The following UCHL3 variants were observed in gnomAD, a reference collection of about 807,000 sequenced individuals.
UCHL3 encodes ubiquitin carboxyl-terminal hydrolase isozyme L3.
In UCHL3, 22 loss-of-function variants were observed where a neutral mutation model predicts 35.8. The observed-to-expected ratio is 0.61, with a 90% confidence interval of 0.44 to 0.88. The LOEUF (loss-of-function observed/expected upper bound fraction) is 0.88, where lower values mean the gene tolerates loss of function less well. UCHL3 is among the 40% of genes least tolerant of loss of function. UCHL3 has a pLI of 0.00. For synonymous variants in UCHL3, 90 were observed against 92.8 expected (o/e 0.97, Z 0.17); for missense variants, 229 against 276.9 (o/e 0.83, Z 1.23).
intron 7 of UCHL3, among the ~76,000 whole-genome samples, chr13:75,598,721 C>T (rs1171974156): frequency 6.6e-6 from 1 of 152,156 alleles, no homozygotes; most frequent in Non-Finnish European, 1.5e-5. Context: ...TGCCCCATTA[C>T]TGGTGATGTT....
intron 5 of UCHL3, among the ~76,000 whole-genome samples, chr13:75,567,917 A>C (rs1251282485): frequency 1.3e-5 from 2 of 152,136 alleles, no homozygotes; most frequent in African/African-American, 2.4e-5. Flanking sequence ...AAATAAATAA[A>C]TATATACCTG....
intron 6 of UCHL3, among the ~76,000 whole-genome samples, chr13:75,571,783 A>G (rs977954961): frequency 6.6e-6 from 1 of 152,206 alleles, no homozygotes; most frequent in African/African-American, 2.4e-5. Flanking sequence ...TACTCCCATA[A>G]GAATTAATCT....
intron 3 of UCHL3, among the ~76,000 whole-genome samples, chr13:75,562,579 G>T (rs2031552671): frequency 2.0e-5 from 3 of 152,016 alleles, no homozygotes; most frequent in Admixed American, 2.0e-4. Context: ...CTTAGCTGAG[G>T]TGATACAAAT....
chr13:75,554,161 C>G (rs1221743630), intron 2 of UCHL3, among the ~76,000 whole-genome samples: 1 of 152,118 alleles, frequency 6.6e-6, no homozygotes, highest in Non-Finnish European at 1.5e-5. Flanking sequence ...TTCCTGGGCT[C>G]AAGCACTCCT....
chr13:75,583,814 G>A (rs1305916938), intron 6 of UCHL3, among the ~76,000 whole-genome samples: 1 of 152,176 alleles, frequency 6.6e-6, no homozygotes, highest in Admixed American at 6.6e-5. Flanking sequence ...TATGGGTAAT[G>A]AAACAAAATA....
chr13:75,588,217 A>G (rs1210567320), intron 6 of UCHL3, among the ~76,000 whole-genome samples: 4 of 152,050 alleles, frequency 2.6e-5, no homozygotes, highest in Non-Finnish European at 5.9e-5. Flanking sequence ...ATATTTTCCC[A>G]TTTCACCCAT....
intron 2 of UCHL3, 142 bp from the exon 3 acceptor site, chr13:75,560,611 T>C (rs905215875): frequency 1.1e-5 from 8 of 758,000 alleles, no homozygotes; most frequent in Non-Finnish European, 1.2e-5. Flanking sequence ...GTCAGTTACA[T>C]TTGTATTTTA....
chr13:75,571,829 C>T (rs369761273), intron 6 of UCHL3, among the ~76,000 whole-genome samples: 1 of 152,004 alleles, frequency 6.6e-6, no homozygotes, highest in Admixed American at 6.6e-5. Flanking sequence ...AGTTTAGAAA[C>T]ACTACTGGAG....
chr13:75,568,445 GTAGA>G (rs2031752948), intron 5 of UCHL3, among the ~76,000 whole-genome samples: 1 of 151,228 alleles, frequency 6.6e-6, no homozygotes, highest in Admixed American at 6.6e-5. Flanking sequence ...CTAATGAGAG[GTAGA>G]TAAACATTAA....
chr13:75,568,060 G>C lies in UCHL3; in HGVS notation c.426+748G>C, dbSNP rs577657311. ...AGTGTAATAAAGGCCACATAAACTA[G>C]GCTATATATATAATATAGGTTATAT... On this transcript the variant is annotated intron_variant, in intron 5 of 8. Coordinates refer to ENST00000377595, the MANE Select transcript of UCHL3 (RefSeq NM_006002.5). Among the ~76,000 whole-genome samples the C allele has an allele frequency of 3.3e-5, 5 of 152,036 alleles. No homozygotes were observed. In the East Asian group the frequency reaches 7.7e-4, roughly 23 times the overall value.
intron 6 of UCHL3, among the ~76,000 whole-genome samples, chr13:75,594,129 A>T (rs1382034535): frequency 1.3e-5 from 2 of 152,230 alleles, no homozygotes; most frequent in African/African-American, 4.8e-5. Context: ...TAATCAATGT[A>T]TCGACTTTGC....
At chr13:75,584,277 A>G (rs2032263579) in intron 6 of UCHL3, among the ~76,000 whole-genome samples, 1 of 152,140 alleles carries the variant, frequency 6.6e-6, no homozygotes, top group African/African-American at 2.4e-5. Context: ...CAGGTCTCAA[A>G]TGTGTGGGGA....
intron 2 of UCHL3, among the ~76,000 whole-genome samples, chr13:75,559,122 C>A (rs1283741564): frequency 1.4e-5 from 2 of 139,146 alleles, no homozygotes; most frequent in African/African-American, 5.4e-5. Flanking sequence ...TCACTGCAAG[C>A]TCCGCCTCCC....
intron 6 of UCHL3, among the ~76,000 whole-genome samples, chr13:75,579,279 C>T (rs4539477): frequency 0.44 from 66,801 of 151,858 alleles, 16,188 homozygotes; most frequent in East Asian, 0.59. Flanking sequence ...ATGTATCATG[C>T]GGTTCAAGAT....
At chr13:75,571,647 A>G (rs1295818059) in intron 6 of UCHL3, among the ~76,000 whole-genome samples, 1 of 152,044 alleles carries the variant, frequency 6.6e-6, no homozygotes, top group Non-Finnish European at 1.5e-5. Context: ...CCTTTCCTGA[A>G]ATGTACCTGA....
At chr13:75,581,737 T>TA (rs1443000112) in intron 6 of UCHL3, among the ~76,000 whole-genome samples, 1 of 151,920 alleles carries the variant, frequency 6.6e-6, no homozygotes, top group Non-Finnish European at 1.5e-5. Flanking sequence ...TTTTTAGCCT[T>TA]TACAGCATTT....
intron 6 of UCHL3, among the ~76,000 whole-genome samples, chr13:75,592,454 A>ATATGTATATATG (rs2032531083): frequency 4.2e-5 from 5 of 118,830 alleles, no homozygotes; most frequent in Non-Finnish European, 5.3e-5. Flanking sequence ...ATATATATAT[A>ATATGTATATATG]TATATATATA....
At chr13:75,597,464 T>G (rs1291749801) in intron 7 of UCHL3, among the ~76,000 whole-genome samples, 1 of 152,038 alleles carries the variant, frequency 6.6e-6, no homozygotes, top group Non-Finnish European at 1.5e-5. Flanking sequence ...CATTGGTAGA[T>G]TCAACCAACT....
chr13:75,595,511 C>T (rs1004707305), intron 7 of UCHL3, among the ~76,000 whole-genome samples: 12 of 134,130 alleles, frequency 8.9e-5, no homozygotes, highest in Admixed American at 2.6e-4. Context: ...GCAGGAGAAT[C>T]GCTTGAACAC....
Sources: gnomAD v4.1 joint callset for allele counts (sites outside exome capture counted in the v4.1 genomes callset) on GRCh38, gnomAD v4.1.1 for gene constraint, MANE v1.5 for transcripts, NCBI Gene and HGNC (gene_info 2026-07-23, HGNC 2026-07-21) for gene names.